Variants in ANK3 observed in about 807,000 individuals in gnomAD.
ANK3 encodes the protein ankyrin 3, also known as ankyrin-3.
A neutral mutation model predicts 370.9 loss-of-function variants in ANK3; 57 were observed. The ratio of observed to expected loss-of-function variants is 0.15; its 90% CI spans 0.12 to 0.19. The LOEUF (loss-of-function observed/expected upper bound fraction) is 0.19, where lower values mean the gene tolerates loss of function less well. ANK3 is among the 10% of genes least tolerant of loss of function. ANK3 has a pLI of 1.00. For missense variants in ANK3, 4,439 were observed against 5,302.1 expected (o/e 0.84, Z 5.06); for synonymous variants, 1,929 against 1,946.3 (o/e 0.99, Z 0.23).
At chr10:60,524,190 T>C (rs2076416016) in intron 2 of ANK3, among the ~76,000 whole-genome samples, 1 of 152,092 alleles carries the variant, frequency 6.6e-6, no homozygotes. Flanking sequence ...CTGGACTAAA[T>C]CAAATCTTGT....
intron 5 of ANK3, among the ~76,000 whole-genome samples, chr10:60,265,585 C>T (rs974368784): frequency 7.3e-5 from 11 of 151,654 alleles, no homozygotes; most frequent in Non-Finnish European, 2.9e-5. Context: ...TTTTTTTTAA[C>T]TAGAGAACTG....
intron 30 of ANK3, 126 bp downstream of exon 30, chr10:60,086,551 G>T: frequency 1.3e-6 from 1 of 798,638 alleles, no homozygotes; most frequent in Non-Finnish European, 1.9e-6. Context: ...AAAATGTTTT[G>T]TTCTTTTATT....
chr10:60,647,172 G>T (rs943717985), intron 1 of ANK3, among the ~76,000 whole-genome samples: 1 of 152,208 alleles, frequency 6.6e-6, no homozygotes, highest in Non-Finnish European at 1.5e-5. Flanking sequence ...GGTATAACAT[G>T]TTATGCCTAA....
chr10:60,071,017 A>C lies in ANK3; in HGVS notation c.9864T>G (p.Asp3288Glu). 1.2e-6 allele frequency: 2 copies of C among 1,614,090 alleles called. No individual in the cohort carries two copies. Among genetic ancestry groups the C allele is most frequent in the Non-Finnish European group, 1.7e-6 (2 of 1,180,004 alleles). ...EVDMIEVNLQDEHDKYQLAEP... is the reference protein window; with the variant it reads ...EVDMIEVNLQEEHDKYQLAEP... ...CAGCCAGCTGGTACTTGTCATGCTC[A>C]TCTTGCAGATTGACTTCAATCATGT... is the stretch of plus-strand genomic sequence containing the variant. The change falls in exon 37 of 44, where the codon GAT becomes GAG. Residue 3288 changes from aspartate to glutamate, a missense_variant. Transcript: ENST00000280772.
intron 1 of ANK3, among the ~76,000 whole-genome samples, chr10:60,717,800 A>G (rs1229127462): frequency 6.6e-6 from 1 of 152,254 alleles, no homozygotes; most frequent in Non-Finnish European, 1.5e-5. Flanking sequence ...GATTGACACC[A>G]AATTGGTGAG....
chr10:60,431,956 T>C (rs1193992596), intron 2 of ANK3, among the ~76,000 whole-genome samples: 1 of 152,202 alleles, frequency 6.6e-6, no homozygotes, highest in Non-Finnish European at 1.5e-5. Flanking sequence ...TCACAAACTG[T>C]ATGCCTTAAC....
intron 2 of ANK3, among the ~76,000 whole-genome samples, chr10:60,425,543 C>G (rs1379255266): frequency 2.0e-5 from 3 of 152,112 alleles, no homozygotes; most frequent in Admixed American, 6.6e-5. Flanking sequence ...AACAATGCAT[C>G]CTTCATCACA....
chr10:60,066,469 C>T (rs993885201), intron 38 of ANK3, among the ~76,000 whole-genome samples: 2 of 151,974 alleles, frequency 1.3e-5, no homozygotes, highest in Non-Finnish European at 2.9e-5. Context: ...CTCTCAACTG[C>T]CTACAAAACA....
At chr10:60,347,293 C>T (rs985416906) in intron 1 of ANK3, among the ~76,000 whole-genome samples, 5 of 151,874 alleles carry the variant, frequency 3.3e-5, no homozygotes, top group African/African-American at 1.2e-4. Flanking sequence ...TTTAAGGGAA[C>T]ATCAGCTTGA....
chr10:60,309,379 T>C (rs72822262), intron 1 of ANK3, among the ~76,000 whole-genome samples: 4,454 of 152,336 alleles, frequency 0.029, 139 homozygotes, highest in African/African-American at 0.08. Flanking sequence ...TACTTTTTTC[T>C]CCTTCTCTGA....
At chr10:60,556,741 G>A (rs1294009118) in intron 2 of ANK3, among the ~76,000 whole-genome samples, 2 of 152,114 alleles carry the variant, frequency 1.3e-5, no homozygotes, top group Non-Finnish European at 2.9e-5. Context: ...TCTATCAGAG[G>A]AGAACAGCTT....
intron 17 of ANK3, 103 bp downstream of exon 17, chr10:60,186,612 T>C: frequency 8.1e-7 from 1 of 1,233,568 alleles, no homozygotes; most frequent in Non-Finnish European, 1.2e-6. Context: ...TATTACACTT[T>C]ACACATCCTA....
At chr10:60,545,709 G>C (rs1334489766) in intron 2 of ANK3, among the ~76,000 whole-genome samples, 3 of 152,028 alleles carry the variant, frequency 2.0e-5, no homozygotes, top group Admixed American at 2.0e-4. Context: ...CAAAAGATCA[G>C]GATAGACATA....
intron 1 of ANK3, among the ~76,000 whole-genome samples, chr10:60,301,337 CAT>C (rs138651478): frequency 0.1 from 14,552 of 146,130 alleles, 923 homozygotes; most frequent in Non-Finnish European, 0.15. Flanking sequence ...TGTATATATA[CAT>C]ATATATACAC....
chr10:60,181,747 A>G (rs1056033018), intron 17 of ANK3, among the ~76,000 whole-genome samples: 1 of 152,086 alleles, frequency 6.6e-6, no homozygotes, highest in Admixed American at 6.5e-5. Context: ...TGGAGGTTGC[A>G]GTGAGTTGAG....
chr10:60,117,307 A>C (rs764022005), intron 25 of ANK3, among the ~76,000 whole-genome samples: 21 of 152,234 alleles, frequency 1.4e-4, no homozygotes, highest in Non-Finnish European at 2.6e-4. Context: ...ACCCAAGAGC[A>C]CATCTGTGTG....
intron 34 of ANK3, 68 bp from the exon 35 acceptor site, chr10:60,082,244 G>T: frequency 7.2e-7 from 1 of 1,398,266 alleles, no homozygotes; most frequent in Non-Finnish European, 1.0e-6. Context: ...AAGAATATCA[G>T]GATATGAAAA....
intron 1 of ANK3, among the ~76,000 whole-genome samples, chr10:60,625,180 C>G (rs2078391794): frequency 6.6e-6 from 1 of 151,978 alleles, no homozygotes; most frequent in Non-Finnish European, 1.5e-5. Context: ...GAGGGAGCCA[C>G]AAGGGGAACA....
At chr10:60,283,401 C>T (rs1414171382) in intron 1 of ANK3, among the ~76,000 whole-genome samples, 3 of 151,908 alleles carry the variant, frequency 2.0e-5, no homozygotes, top group African/African-American at 7.3e-5. Flanking sequence ...TAAGATGCAT[C>T]CAAAAATGTC....
Sources: allele counts gnomAD v4.1 joint callset (sites outside exome capture counted in the v4.1 genomes callset), GRCh38; gene constraint gnomAD v4.1.1; transcripts MANE v1.5; gene names NCBI Gene and HGNC (gene_info 2026-07-23, HGNC 2026-07-21).